The following RANBP10 variants were observed in gnomAD, a reference collection of about 807,000 sequenced individuals.
The protein encoded by RANBP10 is RAN binding protein 10.
Under a neutral mutation model 72.8 loss-of-function variants are expected in RANBP10, and 24 were observed. The observed-to-expected ratio is 0.33, with a 90% CI of 0.24 to 0.46. The LOEUF (loss-of-function observed/expected upper bound fraction) is 0.46, where lower values mean the gene tolerates loss of function less well. Among genes scored for constraint, RANBP10 ranks in the 20% least tolerant of loss-of-function variants. The pLI is 1.00. For missense variants in RANBP10, 679 were observed against 817.5 expected (o/e 0.83, Z 2.07); for synonymous variants, 310 against 322.3 (o/e 0.96, Z 0.41).
intron 2 of RANBP10, among the ~76,000 whole-genome samples, chr16:67,779,783 A>C (rs1397617080): frequency 1.3e-5 from 2 of 152,232 alleles, no homozygotes; most frequent in African/African-American, 2.4e-5. Context: ...GCCTGGGCTC[A>C]ATCCTTGCCC....
At chr16:67,764,945 T>C (rs1488408310) in intron 3 of RANBP10, among the ~76,000 whole-genome samples, 5 of 152,076 alleles carry the variant, frequency 3.3e-5, no homozygotes, top group Admixed American at 1.3e-4. Context: ...GGCTATAAAC[T>C]TGAACATCTT....
intron 3 of RANBP10, among the ~76,000 whole-genome samples, chr16:67,761,327 T>C (rs2054391563): frequency 6.6e-6 from 1 of 152,166 alleles, no homozygotes; most frequent in African/African-American, 2.4e-5. Context: ...CCCCAGGGTG[T>C]CTGCCCTCTG....
intron 2 of RANBP10, among the ~76,000 whole-genome samples, chr16:67,778,329 C>T (rs993085042): frequency 3.3e-5 from 5 of 151,786 alleles, no homozygotes; most frequent in Admixed American, 3.3e-4. Context: ...AGCCCAGGCA[C>T]CAAGAGCGAA....
intron 3 of RANBP10, among the ~76,000 whole-genome samples, chr16:67,770,106 C>T (rs1174958570): frequency 6.6e-6 from 1 of 152,050 alleles, no homozygotes; most frequent in Non-Finnish European, 1.5e-5. Flanking sequence ...TCTCTTTTCT[C>T]CACTACCAAC....
intron 2 of RANBP10, among the ~76,000 whole-genome samples, chr16:67,789,610 T>C (rs2054986669): frequency 6.6e-6 from 1 of 151,434 alleles, no homozygotes; most frequent in African/African-American, 2.4e-5. Flanking sequence ...GCTGGGATTA[T>C]AGGCACACAC....
intron 2 of RANBP10, among the ~76,000 whole-genome samples, chr16:67,805,068 C>T (rs2055326647): frequency 1.3e-5 from 2 of 152,162 alleles, no homozygotes; most frequent in Admixed American, 1.3e-4. Flanking sequence ...AAAAAAGAAC[C>T]TCATGAATAC....
At chr16:67,781,794 C>G (rs1220274767) in intron 2 of RANBP10, among the ~76,000 whole-genome samples, 7 of 152,162 alleles carry the variant, frequency 4.6e-5, no homozygotes, top group Non-Finnish European at 1.0e-4. Context: ...AAGAGGGCAG[C>G]AAATAGGCAC....
intron 13 of RANBP10, among the ~76,000 whole-genome samples, 163 bp downstream of exon 13, chr16:67,727,164 C>T (rs953417796): frequency 4.6e-5 from 7 of 152,172 alleles, no homozygotes; most frequent in Admixed American, 2.6e-4. Context: ...CGTGGTGGCA[C>T]GCACCTTAGT....
At chr16:67,756,329 C>G (rs569137114) in intron 3 of RANBP10, among the ~76,000 whole-genome samples, 30 of 152,368 alleles carry the variant, frequency 2.0e-4, no homozygotes, top group African/African-American at 7.2e-4. Flanking sequence ...GCAAGTTAGT[C>G]TGGAACCCTG....
chr16:67,774,834 C>T (rs919876988), intron 2 of RANBP10, among the ~76,000 whole-genome samples: 2 of 152,190 alleles, frequency 1.3e-5, no homozygotes, highest in African/African-American at 4.8e-5. Context: ...TCCAGAAACT[C>T]TTCATAAACT....
At chr16:67,800,947 C>T (rs2143022662) in intron 2 of RANBP10, among the ~76,000 whole-genome samples, 1 of 152,290 alleles carries the variant, frequency 6.6e-6, no homozygotes, top group South Asian at 2.1e-4. Flanking sequence ...CCACAGGCTT[C>T]CTGAGGACAA....
At chr16:67,736,459 C>A (rs2053850416) in intron 5 of RANBP10, among the ~76,000 whole-genome samples, 1 of 152,220 alleles carries the variant, frequency 6.6e-6, no homozygotes, top group South Asian at 2.1e-4. Context: ...GCGCGCCTGG[C>A]CAACCATGCA....
intron 2 of RANBP10, among the ~76,000 whole-genome samples, 163 bp downstream of exon 2, chr16:67,805,265 G>C (rs2055339279): frequency 6.6e-6 from 1 of 152,114 alleles, no homozygotes; most frequent in Non-Finnish European, 1.5e-5. Context: ...ATCAAGATCT[G>C]CTGCTTAGAC....
Position 67,726,318 on chromosome 16 carries a change from T to A in RANBP10, c.*110A>T. 6.7e-7 allele frequency: 1 copy of A among 1,496,692 alleles called. No homozygotes were observed. Among genetic ancestry groups the A allele is most frequent in the Non-Finnish European group, 9.1e-7 (1 of 1,103,266 alleles). 92.7% of individuals were successfully genotyped at this position (1,496,692 alleles called of 1,614,324 possible). A position where few individuals can be genotyped will look rare whatever the true frequency, so the allele number is the denominator to read the frequency against. ...AGGGGGAAAGGCCAGGCAGGAGGAG[T>A]GGACTCTGTCTATGGTTTCCCAGTC... On this transcript the variant is annotated 3_prime_UTR_variant, in exon 14 of 14. Transcript: ENST00000317506.
At chr16:67,756,739 A>G (rs2054292455) in intron 3 of RANBP10, among the ~76,000 whole-genome samples, 1 of 152,066 alleles carries the variant, frequency 6.6e-6, no homozygotes, top group East Asian at 1.9e-4. Flanking sequence ...AAACACCCCA[A>G]AAAGCTAGCC....
chr16:67,796,436 G>A (rs9929785), intron 2 of RANBP10, among the ~76,000 whole-genome samples: 4,414 of 152,062 alleles, frequency 0.029, 208 homozygotes, highest in African/African-American at 0.099. Flanking sequence ...GAAATAAGCT[G>A]AGCCCTCAAC....
At chr16:67,738,081 C>T in intron 4 of RANBP10, 46 bp from the exon 5 acceptor site, 2 of 1,546,888 alleles carry the variant, frequency 1.3e-6, no homozygotes, top group South Asian at 1.2e-5. Flanking sequence ...CCTGGGGCTA[C>T]TCTGCCTCTG....
At chr16:67,763,778 T>TC (rs1258940844) in intron 3 of RANBP10, among the ~76,000 whole-genome samples, 1 of 152,196 alleles carries the variant, frequency 6.6e-6, no homozygotes, top group African/African-American at 2.4e-5. Flanking sequence ...CACTGCAACC[T>TC]CCGCCTCCTG....
chr16:67,771,023 G>C (rs2054597732), intron 3 of RANBP10, among the ~76,000 whole-genome samples: 1 of 152,042 alleles, frequency 6.6e-6, no homozygotes. Context: ...AACACTTAGG[G>C]AGGCCAAGGC....
Sources: gnomAD v4.1 joint callset for allele counts (sites outside exome capture counted in the v4.1 genomes callset) on GRCh38, gnomAD v4.1.1 for gene constraint, MANE v1.5 for transcripts, NCBI Gene and HGNC (gene_info 2026-07-23, HGNC 2026-07-21) for gene names.